Variants in DEFB131B observed in about 807,000 individuals in gnomAD.
The protein encoded by DEFB131B is beta-defensin 131B.
Under a neutral mutation model 2.1 loss-of-function variants are expected in DEFB131B, and 2 were observed. That is an observed-to-expected ratio of 0.94 (90% CI 0.38 to 2.95). The LOEUF is 2.95. DEFB131B is among the 30% of genes most tolerant of loss of function. The pLI is 0.09. For missense variants in DEFB131B, 77 were observed against 78.5 expected (o/e 0.98, Z 0.07); for synonymous variants, 26 against 25.8 (o/e 1.01, Z -0.03).
intron 1 of DEFB131B, among the ~76,000 whole-genome samples, chr11:71,880,058 G>A (rs1169655127): frequency 6.6e-6 from 1 of 152,000 alleles, no homozygotes; most frequent in East Asian, 1.9e-4. Flanking sequence ...CATTCACGGA[G>A]GAAAAGTATA....
At chr11:71,879,493 A>G (rs1336875460) in intron 1 of DEFB131B, among the ~76,000 whole-genome samples, 1 of 152,220 alleles carries the variant, frequency 6.6e-6, no homozygotes, top group African/African-American at 2.4e-5. Flanking sequence ...ACATTTTAAT[A>G]CTTCACAATT....
chr11:71,882,557 A>T (rs1952576427), intron 1 of DEFB131B, among the ~76,000 whole-genome samples: 1 of 152,236 alleles, frequency 6.6e-6, no homozygotes, highest in African/African-American at 2.4e-5. Context: ...GTAAAAATAC[A>T]TAATTTTCTT....
intron 1 of DEFB131B, among the ~76,000 whole-genome samples, chr11:71,883,040 A>G (rs572151447): frequency 1.9e-4 from 29 of 152,326 alleles, no homozygotes; most frequent in South Asian, 8.3e-4. Context: ...CTTAACCAAA[A>G]GATGAAAGAC....
At chr11:71,882,871 T>G (rs183759968) in intron 1 of DEFB131B, among the ~76,000 whole-genome samples, 139 of 152,312 alleles carry the variant, frequency 9.1e-4, no homozygotes, top group African/African-American at 3.2e-3. Flanking sequence ...TCCCCCAAAA[T>G]TATTAAAACT....
At chr11:71,882,755 G>A (rs1297470315) in intron 1 of DEFB131B, among the ~76,000 whole-genome samples, 2 of 152,118 alleles carry the variant, frequency 1.3e-5, no homozygotes, top group Non-Finnish European at 2.9e-5. Flanking sequence ...GAACAATTAG[G>A]CAAGAAAAGG....
chr11:71,884,364 G>A (rs1441576668), intron 1 of DEFB131B, 43 bp from the exon 2 acceptor site: 2 of 1,490,938 alleles, frequency 1.3e-6, no homozygotes, highest in African/African-American at 1.4e-5. Flanking sequence ...AACATAAAAA[G>A]TAAGTAATAT....
chr11:71,879,421 T>C (rs535131590), intron 1 of DEFB131B, among the ~76,000 whole-genome samples: 1 of 152,340 alleles, frequency 6.6e-6, no homozygotes, highest in Admixed American at 6.5e-5. Flanking sequence ...TAAAAACATA[T>C]TAAACTGTGG....
At chr11:71,879,932 T>G (rs1443687409) in intron 1 of DEFB131B, among the ~76,000 whole-genome samples, 1 of 152,180 alleles carries the variant, frequency 6.6e-6, no homozygotes, top group Non-Finnish European at 1.5e-5. Flanking sequence ...CATTCCTTCA[T>G]TCAGTGGTCA....
intron 1 of DEFB131B, among the ~76,000 whole-genome samples, chr11:71,882,370 C>T (rs1952573001): frequency 6.6e-6 from 1 of 152,054 alleles, no homozygotes; most frequent in African/African-American, 2.4e-5. Context: ...AATCTCGTGC[C>T]TCAGCCAGCC....
intron 1 of DEFB131B, among the ~76,000 whole-genome samples, chr11:71,883,603 C>A (rs972238763): frequency 6.6e-6 from 1 of 152,140 alleles, no homozygotes; most frequent in Non-Finnish European, 1.5e-5. Flanking sequence ...AAATGAACTA[C>A]ACATTTAAAC....
intron 1 of DEFB131B, among the ~76,000 whole-genome samples, chr11:71,881,015 T>C (rs1317758015): frequency 6.6e-6 from 1 of 152,194 alleles, no homozygotes; most frequent in Non-Finnish European, 1.5e-5. Flanking sequence ...TGTGTAAATG[T>C]CTGTTAAGTC....
rs753021862 is a variant in DEFB131B at position 71,884,485 on chromosome 11, C to T, written c.137C>T (p.Ala46Val). The change falls in exon 2 of 2, where the codon GCA becomes GTA. Residue 46 changes from alanine (A) to valine (V), a missense_variant. Physicochemically the swap from Ala to Val is moderately conservative, Grantham distance 64. Coordinates refer to ENST00000530210, the MANE Select transcript of DEFB131B (RefSeq NM_001242853.1). Reference sequence around the variant, plus strand: ...CTGAAGTGCAATGCTGATGAACATGCAATTAGATACTGTGCTGACTTCAGC... The same window carrying T: ...CTGAAGTGCAATGCTGATGAACATGTAATTAGATACTGTGCTGACTTCAGC... ...CRLKCNADEH[A>V]IRYCADFSIC... 1.2e-6 allele frequency: 2 copies of T among 1,610,400 alleles called. No individual in the cohort carries two copies. Among genetic ancestry groups the T allele is most frequent in the Non-Finnish European group, 1.7e-6 (2 of 1,178,868 alleles).
At chr11:71,881,824 A>G (rs1025114852) in intron 1 of DEFB131B, among the ~76,000 whole-genome samples, 1 of 152,184 alleles carries the variant, frequency 6.6e-6, no homozygotes, top group African/African-American at 2.4e-5. Flanking sequence ...AAAAGCAAAG[A>G]AAAAAGAATT....
chr11:71,884,364 G>T (rs1441576668), intron 1 of DEFB131B, 43 bp from the exon 2 acceptor site: 1 of 1,490,936 alleles, frequency 6.7e-7, no homozygotes, highest in African/African-American at 1.4e-5. Context: ...AACATAAAAA[G>T]TAAGTAATAT....
intron 1 of DEFB131B, 48 bp downstream of exon 1, chr11:71,878,558 A>T: frequency 1.3e-6 from 2 of 1,578,106 alleles, no homozygotes; most frequent in Non-Finnish European, 1.7e-6. Context: ...TATAAGTAAA[A>T]GAAAATGCAA....
At chr11:71,878,620 C>T in intron 1 of DEFB131B, 110 bp downstream of exon 1, 1 of 1,094,652 alleles carries the variant, frequency 9.1e-7, no homozygotes, top group Non-Finnish European at 1.3e-6. Context: ...TTTACTGTAC[C>T]ATGAAGGCTG....
At chr11:71,884,335 A>G (rs1049637786) in intron 1 of DEFB131B, 72 bp from the exon 2 acceptor site, 1 of 1,397,938 alleles carries the variant, frequency 7.2e-7, no homozygotes, top group East Asian at 2.6e-5. Context: ...AATTTATTAT[A>G]AAACATTTCA....
intron 1 of DEFB131B, among the ~76,000 whole-genome samples, chr11:71,880,270 G>T (rs1952551900): frequency 6.6e-6 from 1 of 151,926 alleles, no homozygotes; most frequent in Non-Finnish European, 1.5e-5. Flanking sequence ...ATTGGTGTTG[G>T]TAAAAAAAAT....
At chr11:71,882,752 TA>T (rs1348774259) in intron 1 of DEFB131B, among the ~76,000 whole-genome samples, 1 of 152,150 alleles carries the variant, frequency 6.6e-6, no homozygotes, top group Non-Finnish European at 1.5e-5. Flanking sequence ...CAAGAACAAT[TA>T]GGCAAGAAAA....
Sources: allele counts gnomAD v4.1 joint callset (sites outside exome capture counted in the v4.1 genomes callset), GRCh38; gene constraint gnomAD v4.1.1; transcripts MANE v1.5; gene names NCBI Gene and HGNC (gene_info 2026-07-23, HGNC 2026-07-21).